The following RASL10B variants were observed in gnomAD, a reference collection of about 807,000 sequenced individuals.
RASL10B encodes the protein RAS like family 10 member B, also known as ras-like protein family member 10B.
A neutral mutation model predicts 20.7 loss-of-function variants in RASL10B; 10 were observed. That is an observed-to-expected ratio of 0.48 (90% confidence interval 0.30 to 0.82). The LOEUF (loss-of-function observed/expected upper bound fraction) is 0.82. Among genes scored for constraint, RASL10B ranks in the 40% least tolerant of loss-of-function variants. RASL10B has a pLI of 0.07. For synonymous variants in RASL10B, 110 were observed against 123.3 expected, an observed-to-expected ratio of 0.89 and a Z score of 0.72; for missense variants, 231 against 295.4, an observed-to-expected ratio of 0.78 and a Z score of 1.60.
Position 35,735,291 on chromosome 17 carries a change from C to A in RASL10B, c.107C>A (p.Thr36Asn). The A allele has an allele frequency of 6.2e-7, 1 of 1,614,040 alleles. No homozygotes were observed. The highest frequency in any genetic ancestry group is 1.3e-5 in the African/African-American group (1 of 75,078). Residue 36 changes from threonine (T) to asparagine (N), a missense_variant, in exon 2 of 4, where the codon ACC (threonine) becomes AAC (asparagine). By Grantham distance (65) the Thr-to-Asn change is moderately conservative. Transcript: ENST00000603017. The surrounding 1 kb of genome is among the most constrained non-coding windows in gnomAD (Gnocchi z 6.7). ...YNEFSEVCVP[T>N]TARRLYLPAV... ...GAGTTCAGCGAGGTCTGCGTCCCCA[C>A]CACCGCCCGCCGCCTTTACCTGCCT...
intron 3 of RASL10B, 103 bp downstream of exon 3, chr17:35,740,636 G>A: frequency 7.3e-7 from 1 of 1,372,028 alleles, no homozygotes; most frequent in Non-Finnish European, 1.0e-6. Context: ...AGAGGTATAT[G>A]TGTTCTAAGA....
Position 35,735,277 on chromosome 17 carries a change from G to A in RASL10B, c.93G>A (p.Glu31=), listed in dbSNP as rs1555597008. ...AGTTCTTGTACAACGAGTTCAGCGA[G>A]GTCTGCGTCCCCACCACCGCCCGCC... ...VRQFLYNEFS[E]VCVPTTARRL... The change falls in exon 2 of 4, where the codon GAG becomes GAA. Residue 31 remains glutamate, a synonymous_variant. Transcript: ENST00000603017. The surrounding 1 kb of genome is among the most constrained non-coding windows in gnomAD (Gnocchi z 6.7). The A allele has an allele frequency of 4.3e-6, 7 of 1,613,960 alleles. No individual in the cohort carries two copies. The highest frequency in any genetic ancestry group is 3.3e-4 in the Middle Eastern group (2 of 6,062).
At chr17:35,732,428 C>G (rs1319719653) in intron 1 of RASL10B, among the ~76,000 whole-genome samples, 1 of 152,234 alleles carries the variant, frequency 6.6e-6, no homozygotes, top group African/African-American at 2.4e-5. Context: ...CGCTCAGGGG[C>G]CTGGGCCCTG....
At position 35,735,163 on chromosome 17, in the gene RASL10B, G is replaced by A; in HGVS notation, c.-22G>A. On this transcript the variant is annotated 5_prime_UTR_variant, in exon 2 of 4. The change creates a new upstream start codon in the 5' untranslated region. Transcript: ENST00000603017. This position sits in a 1 kb window ranked among gnomAD's most constrained non-coding sequence, Gnocchi z 6.7. ...AGCCCCAGACAGCGGCAAGGACGAG[G>A]TGGCGGAGTGGGGCGGGAGGCATGG... 6.3e-7 allele frequency: 1 copy of A among 1,599,640 alleles called. No homozygotes were observed. Among genetic ancestry groups the A allele is most frequent in the Non-Finnish European group, 8.5e-7 (1 of 1,174,772 alleles).
rs368851177 is a variant in RASL10B at position 35,735,406 on chromosome 17, A to G, written c.216+6A>G. The G allele has an allele frequency of 3.2e-5, 52 of 1,613,678 alleles. No individual in the cohort carries two copies. The highest frequency in any genetic ancestry group is 4.4e-5 in the Non-Finnish European group (52 of 1,179,706). On this transcript the variant is annotated splice_donor_region_variant and intron_variant, in intron 2 of 3. Coordinates refer to ENST00000603017, the MANE Select transcript of RASL10B (RefSeq NM_033315.4). The surrounding 1 kb of genome is among the most constrained non-coding windows in gnomAD (Gnocchi z 6.7). ...TCCCTGTCAATACGCTCCAGGTAGG[A>G]GGACCCTGGGGGGCATGGGTTAGTG...
chr17:35,736,157 G>C (rs1460323395), intron 2 of RASL10B, among the ~76,000 whole-genome samples: 1 of 152,184 alleles, frequency 6.6e-6, no homozygotes, highest in South Asian at 2.1e-4. Flanking sequence ...CCCACTGCCT[G>C]CTGGAACCAG....
chr17:35,737,107 CT>C (rs2085598064), intron 2 of RASL10B: 3 of 152,208 alleles, frequency 2.0e-5, no homozygotes, highest in African/African-American at 7.2e-5. Flanking sequence ...GCATTCTTCC[CT>C]GCTTCTTACG....
chr17:35,738,822 T>G (rs1555597539), intron 2 of RASL10B, among the ~76,000 whole-genome samples: 1 of 152,100 alleles, frequency 6.6e-6, no homozygotes, highest in African/African-American at 2.4e-5. Context: ...GGTGGGGCTG[T>G]CACCCTCAAA....
chr17:35,735,476 A>T lies in RASL10B; in HGVS notation c.216+76A>T. 1 of 1,470,220 alleles carries T rather than the reference A, an allele frequency of 6.8e-7. No homozygotes were observed. The highest frequency in any genetic ancestry group is 1.2e-5 in the South Asian group (1 of 82,958). 91.1% of individuals were successfully genotyped at this position (1,470,220 alleles called of 1,614,324 possible). On this transcript the variant is annotated intron_variant, in intron 2 of 3. Coordinates refer to ENST00000603017, the MANE Select transcript of RASL10B (RefSeq NM_033315.4). The surrounding 1 kb of genome is among the most constrained non-coding windows in gnomAD (Gnocchi z 6.7). ...GAGAGGCTGGATTCCAAACTGCTGT[A>T]GCTTGGGCCCTATTGCCAGGGCCCC...
intron 1 of RASL10B, among the ~76,000 whole-genome samples, chr17:35,733,223 G>A (rs1555596595): frequency 6.6e-6 from 1 of 152,112 alleles, no homozygotes; most frequent in Admixed American, 6.5e-5. Context: ...GGGATTGCTA[G>A]GAGGTTCCAC....
chr17:35,735,090 T>C lies in RASL10B; in HGVS notation c.-95T>C, dbSNP rs1362136853. The C allele has an allele frequency of 7.7e-7, 1 of 1,293,148 alleles. No homozygotes were observed. The highest frequency in any genetic ancestry group is 1.3e-5 in the South Asian group (1 of 77,482). 80.1% of individuals were successfully genotyped at this position (1,293,148 alleles called of 1,614,324 possible). A position where few individuals can be genotyped will look rare whatever the true frequency, so the allele number is the denominator to read the frequency against. On this transcript the variant is annotated 5_prime_UTR_variant, in exon 2 of 4. Transcript: ENST00000603017. The surrounding 1 kb of genome is among the most constrained non-coding windows in gnomAD (Gnocchi z 6.7). The stretch of plus-strand genomic sequence containing the variant: ...GGCAAGCAGAGGCAGCAATGGTTGG[T>C]CCTGACGGTGGCTGAGCCCCCAGCC...
At chr17:35,740,987 G>C (rs1598390766) in intron 3 of RASL10B, 48 bp from the exon 4 acceptor site, 6 of 1,500,264 alleles carry the variant, frequency 4.0e-6, no homozygotes, top group Non-Finnish European at 5.5e-6. Flanking sequence ...TGGGAGTACA[G>C]CGGTTGTGGG....
At chr17:35,733,102 GT>G (rs869133093) in intron 1 of RASL10B, among the ~76,000 whole-genome samples, 1 of 152,132 alleles carries the variant, frequency 6.6e-6, no homozygotes, top group Non-Finnish European at 1.5e-5. Context: ...CACTGGGTTT[GT>G]TTTTTGGGGG....
At position 35,735,209 on chromosome 17, in the gene RASL10B, G is replaced by A. The variant is rs776545435; in HGVS notation, c.25G>A (p.Val9Met). 3.1e-6 allele frequency: 5 copies of A among 1,611,468 alleles called. No individual in the cohort carries two copies. The highest frequency in any genetic ancestry group is 1.3e-5 in the African/African-American group (1 of 74,928). ...CATGGTCTCCACCTACCGGGTGGCC[G>A]TGCTGGGGGCGCGAGGTGTGGGCAA... MVSTYRVA[V>M]LGARGVGKSA... Residue 9 changes from valine to methionine, a missense_variant, in exon 2 of 4, where the codon GTG (valine) becomes ATG (methionine). Physicochemically the swap from Val to Met is conservative, Grantham distance 21 (BLOSUM62 1). Transcript: ENST00000603017. The surrounding 1 kb of genome is among the most constrained non-coding windows in gnomAD (Gnocchi z 6.7).
chr17:35,739,752 C>T (rs1354940176), intron 2 of RASL10B, among the ~76,000 whole-genome samples: 1 of 152,186 alleles, frequency 6.6e-6, no homozygotes, highest in Non-Finnish European at 1.5e-5. Context: ...GGAGAGCTCA[C>T]CAGCCCAGGT....
Position 35,735,489 on chromosome 17 carries a change from T to G in RASL10B, c.216+89T>G. The G allele has an allele frequency of 5.5e-5, 68 of 1,230,850 alleles. No homozygotes were observed. Among genetic ancestry groups the G allele is most frequent in the Middle Eastern group, 1.9e-4 (1 of 5,272 alleles). The allele number at this position is 1,230,850 out of a possible 1,614,324, so 76.2% of individuals were successfully genotyped here. A position where few individuals can be genotyped will look rare whatever the true frequency, so the allele number is the denominator to read the frequency against. ...CCAAACTGCTGTAGCTTGGGCCCTA[T>G]TGCCAGGGCCCCATCACTGAGTTTG... is the stretch of plus-strand genomic sequence containing the variant. On this transcript the variant is annotated intron_variant, in intron 2 of 3. Coordinates refer to ENST00000603017, the MANE Select transcript of RASL10B (RefSeq NM_033315.4). This position sits in a 1 kb window ranked among gnomAD's most constrained non-coding sequence, Gnocchi z 6.7.
chr17:35,741,097 G>A lies in RASL10B; in HGVS notation c.404G>A (p.Gly135Glu). 4 of 1,613,206 alleles carry A rather than the reference G, an allele frequency of 2.5e-6. No individual in the cohort carries two copies. The highest frequency in any genetic ancestry group is 3.4e-6 in the Non-Finnish European group (4 of 1,179,746). The change falls in exon 4 of 4, where the codon GGA becomes GAA. Residue 135 changes from glycine (G) to glutamate (E), a missense_variant. Gly to Glu is a moderately conservative substitution (Grantham distance 98). Transcript: ENST00000603017. Reference protein sequence around the residue: ...IVGNKRDLQRGRVIPRWNVSH... With the variant: ...IVGNKRDLQRERVIPRWNVSH... ...GGCAACAAGCGGGACCTGCAGCGCG[G>A]ACGCGTGATCCCGCGCTGGAACGTG...
chr17:35,733,308 A>T (rs1555596612), intron 1 of RASL10B, among the ~76,000 whole-genome samples: 3 of 152,040 alleles, frequency 2.0e-5, no homozygotes. Context: ...TTGAACACCT[A>T]CTCTGGCCTA....
intron 1 of RASL10B, among the ~76,000 whole-genome samples, chr17:35,732,971 G>GAGCCCATGTA (rs2085567731): frequency 6.6e-6 from 1 of 152,150 alleles, no homozygotes; most frequent in Non-Finnish European, 1.5e-5. Context: ...CCCTAGTTGG[G>GAGCCCATGTA]AGCCCATGTA....
Sources: allele counts gnomAD v4.1 joint callset (sites outside exome capture counted in the v4.1 genomes callset), GRCh38; gene constraint gnomAD v4.1.1; non-coding constraint Gnocchi (gnomAD v3.1); transcripts MANE v1.5; gene names NCBI Gene and HGNC (gene_info 2026-07-23, HGNC 2026-07-21).